The following SLC38A8 variants were observed in gnomAD, a reference collection of about 807,000 sequenced individuals.
SLC38A8 encodes solute carrier family 38 member 8.
Under a neutral mutation model 46.0 loss-of-function variants are expected in SLC38A8, and 65 were observed. The ratio of observed to expected loss-of-function variants is 1.41; its 90% confidence interval spans 1.16 to 1.74. The LOEUF is 1.74. Among genes scored for constraint, SLC38A8 ranks in the 40% most tolerant of loss-of-function variants. SLC38A8 has a pLI of 0.00. For synonymous variants in SLC38A8, 447 were observed against 243.7 expected, an observed-to-expected ratio of 1.83 and a Z score of -7.77; for missense variants, 998 against 567.9, an observed-to-expected ratio of 1.76 and a Z score of -7.70.
chr16:84,024,467 C>G (rs1248845753), intron 6 of SLC38A8, among the ~76,000 whole-genome samples: 3 of 152,072 alleles, frequency 2.0e-5, no homozygotes, highest in Non-Finnish European at 4.4e-5. Context: ...GTACGAGCCA[C>G]CATGCCCAAG....
chr16:84,026,218 G>A (rs1218763064), intron 6 of SLC38A8, among the ~76,000 whole-genome samples: 1 of 148,468 alleles, frequency 6.7e-6, no homozygotes, highest in African/African-American at 2.6e-5. Context: ...CCGCAGTTGG[G>A]TTTCTACTGG....
At chr16:84,026,704 C>G (rs149552535) in intron 6 of SLC38A8, among the ~76,000 whole-genome samples, 98 of 152,294 alleles carry the variant, frequency 6.4e-4, no homozygotes, top group African/African-American at 2.2e-3. Context: ...GCAGCTTATC[C>G]ACACAATGGA....
intron 7 of SLC38A8, among the ~76,000 whole-genome samples, chr16:84,019,993 C>G (rs780362948): frequency 3.3e-5 from 5 of 152,252 alleles, no homozygotes; most frequent in Admixed American, 3.3e-4. Flanking sequence ...CACCTGATGC[C>G]TGAAGTTCTC....
At chr16:84,027,521 G>A (rs904409357) in intron 6 of SLC38A8, among the ~76,000 whole-genome samples, 2 of 152,170 alleles carry the variant, frequency 1.3e-5, no homozygotes, top group Admixed American at 6.5e-5. Context: ...GGGCGGGGAC[G>A]CTGTGTTTGA....
chr16:84,042,220 C>T (rs200566984), intron 1 of SLC38A8, 61 bp from the exon 2 acceptor site: 71 of 1,521,052 alleles, frequency 4.7e-5, no homozygotes, highest in East Asian at 4.3e-4. Context: ...CCTAAGTTCT[C>T]GATATCCTTA....
At chr16:84,021,957 A>G (rs2085101140) in intron 7 of SLC38A8, among the ~76,000 whole-genome samples, 1 of 152,154 alleles carries the variant, frequency 6.6e-6, no homozygotes, top group Non-Finnish European at 1.5e-5. Context: ...CTTCTTATAA[A>G]GCCACCAGCC....
intron 10 of SLC38A8, among the ~76,000 whole-genome samples, chr16:84,012,689 G>C (rs778639268): frequency 6.6e-6 from 1 of 152,184 alleles, no homozygotes; most frequent in Admixed American, 6.5e-5. Context: ...CCCTGGGTCC[G>C]AGCCAGGTAA....
At chr16:84,029,230 A>G (rs2085207096) in intron 6 of SLC38A8, among the ~76,000 whole-genome samples, 1 of 152,136 alleles carries the variant, frequency 6.6e-6, no homozygotes, top group Non-Finnish European at 1.5e-5. Flanking sequence ...AACCTAAAAA[A>G]CATGGTGCTG....
chr16:84,026,333 G>A (rs1477784440), intron 6 of SLC38A8, among the ~76,000 whole-genome samples: 1 of 152,158 alleles, frequency 6.6e-6, no homozygotes, highest in Admixed American at 6.5e-5. Flanking sequence ...GGGTTCAAGG[G>A]ATTCTGATTC....
At chr16:84,022,699 A>T in intron 7 of SLC38A8, 76 bp downstream of exon 7, 1 of 1,141,484 alleles carries the variant, frequency 8.8e-7, no homozygotes, top group Non-Finnish European at 1.3e-6. Flanking sequence ...TAAACTCTCT[A>T]GAGAGATACT....
At chr16:84,037,371 T>A (rs2085312398) in intron 2 of SLC38A8, among the ~76,000 whole-genome samples, 1 of 149,202 alleles carries the variant, frequency 6.7e-6, no homozygotes, top group Non-Finnish European at 1.5e-5. Flanking sequence ...ATCTGTGAAA[T>A]GGGGGCGGCA....
At chr16:84,033,188 T>G in intron 4 of SLC38A8, 140 bp downstream of exon 4, 1 of 1,117,544 alleles carries the variant, frequency 8.9e-7, no homozygotes, top group Non-Finnish European at 1.3e-6. Flanking sequence ...ACATTTTACT[T>G]GTATAATTTT....
At chr16:84,018,347 C>A (rs1298806759) in intron 7 of SLC38A8, among the ~76,000 whole-genome samples, 1 of 151,024 alleles carries the variant, frequency 6.6e-6, no homozygotes, top group African/African-American at 2.4e-5. Flanking sequence ...ATTCTCCTGC[C>A]CTAGCCTCCT....
In SLC38A8 at chr16:84,029,518, G is replaced by A; in HGVS notation, c.666C>T (p.Phe222=). 2.5e-6 allele frequency: 4 copies of A among 1,614,136 alleles called. No individual in the cohort carries two copies. Among genetic ancestry groups the A allele is most frequent in the South Asian group, 2.2e-5 (2 of 91,080 alleles). The part of the protein sequence containing the change: ...PASWTSVFSV[F]PTICFGFQCH... ...CCTGAAACCCGAAGCAGATGGTGGG[G>A]AAGACACTGAACACAGAGGTCCAGG... The change falls in exon 6 of 11, where the codon TTC becomes TTT. Residue 222 remains phenylalanine, a synonymous_variant. Coordinates refer to ENST00000299709, the MANE Select transcript of SLC38A8 (RefSeq NM_001080442.3).
Position 84,033,367 on chromosome 16 carries a change from A to G in SLC38A8, c.491T>C (p.Leu164Pro). The G allele has an allele frequency of 6.2e-7, 1 of 1,614,030 alleles. No individual in the cohort carries two copies. Among genetic ancestry groups the G allele is most frequent in the South Asian group, 1.1e-5 (1 of 91,070 alleles). ...PLLSVLVILP[L>P]SAPREIAFQK... ...GAAGGCGATCTCCCGCGGGGCAGAC[A>G]GGGGCAGGATGACCAGCACGGAGAG... Residue 164 changes from leucine to proline, a missense_variant, in exon 4 of 11, where the codon CTG becomes CCG. Coordinates refer to ENST00000299709, the MANE Select transcript of SLC38A8 (RefSeq NM_001080442.3).
chr16:84,014,386 C>T (rs1166868742), intron 9 of SLC38A8, among the ~76,000 whole-genome samples: 2 of 151,862 alleles, frequency 1.3e-5, no homozygotes, highest in Non-Finnish European at 2.9e-5. Context: ...ACATCCCCAT[C>T]AATGAAAGCT....
chr16:84,042,029 G>A lies in SLC38A8; in HGVS notation c.129C>T (p.Leu43=), dbSNP rs1597284582. 6.2e-7 allele frequency: 1 copy of A among 1,613,680 alleles called. No homozygotes were observed. Among genetic ancestry groups the A allele is most frequent in the Non-Finnish European group, 8.5e-7 (1 of 1,179,844 alleles). ...CTTTGGAGAAGGCCCAGGGGAAGTT[G>A]AGCAGGCCAGCTCCCAGCGCGGACT... is the stretch of plus-strand genomic sequence containing the variant. ...LMKSALGAGL[L]NFPWAFSKAG... The change falls in exon 2 of 11, where the codon CTC becomes CTT. Residue 43 remains leucine (L), a synonymous_variant. Transcript: ENST00000299709.
intron 6 of SLC38A8, among the ~76,000 whole-genome samples, chr16:84,027,516 G>A (rs1252270863): frequency 1.3e-5 from 2 of 152,188 alleles, no homozygotes; most frequent in Non-Finnish European, 2.9e-5. Context: ...TGTTTGGGCG[G>A]GGACGCTGTG....
intron 5 of SLC38A8, among the ~76,000 whole-genome samples, chr16:84,031,579 A>C (rs2085238545): frequency 6.9e-6 from 1 of 145,496 alleles, no homozygotes; most frequent in Non-Finnish European, 1.5e-5. Flanking sequence ...GTACCTCCAC[A>C]CTGTGGGGAC....
Sources: allele counts gnomAD v4.1 joint callset (sites outside exome capture counted in the v4.1 genomes callset), GRCh38; gene constraint gnomAD v4.1.1; transcripts MANE v1.5; gene names NCBI Gene and HGNC (gene_info 2026-07-23, HGNC 2026-07-21).